Variants in ADGRL3 observed in about 807,000 individuals in gnomAD.
ADGRL3 encodes adhesion G protein-coupled receptor L3.
In ADGRL3, 62 loss-of-function variants were observed where a neutral mutation model predicts 153.5. That is an observed-to-expected ratio of 0.40 (90% CI 0.33 to 0.50). The LOEUF is 0.50. ADGRL3 is among the 20% of genes least tolerant of loss of function. The pLI, the probability that ADGRL3 is intolerant of heterozygous loss-of-function variation, is 0.47. For synonymous variants in ADGRL3, 710 were observed against 672.5 expected, an observed-to-expected ratio of 1.06 and a Z score of -0.86; for missense variants, 1,641 against 1,859.4, an observed-to-expected ratio of 0.88 and a Z score of 2.16.
At chr4:61,331,506 A>C (rs2095572299) in intron 1 of ADGRL3, among the ~76,000 whole-genome samples, 2 of 152,146 alleles carry the variant, frequency 1.3e-5, no homozygotes, top group South Asian at 4.1e-4. Flanking sequence ...CTTTTCTTCC[A>C]ATACATTTTC....
At position 61,747,508 on chromosome 4, in the gene ADGRL3, C is replaced by G. The variant is rs1261926567; in HGVS notation, c.1399+13954C>G. On this transcript the variant is annotated intron_variant, in intron 8 of 26. Coordinates refer to ENST00000683033, the MANE Select transcript of ADGRL3 (RefSeq NM_001387552.1). ...GCGGCACATCAAAAAGCTTATCCAC[C>G]ATGATCAAGTGGGCTTCATCCCTGG... Among the ~76,000 whole-genome samples, 9 of 146,898 alleles carry G rather than the reference C, an allele frequency of 6.1e-5. No homozygotes were observed. In the Admixed American group the frequency reaches 6.2e-4, roughly 10 times the overall value.
chr4:61,364,125 A>G (rs2096346836), intron 1 of ADGRL3, among the ~76,000 whole-genome samples: 1 of 151,716 alleles, frequency 6.6e-6, no homozygotes, highest in South Asian at 2.1e-4. Context: ...AGGTCAAGAG[A>G]TCGAGATCAT....
intron 2 of ADGRL3, among the ~76,000 whole-genome samples, chr4:61,494,348 T>TACTC (rs1228148676): frequency 6.6e-6 from 1 of 152,160 alleles, no homozygotes; most frequent in Admixed American, 6.5e-5. Flanking sequence ...GACTCTCGTA[T>TACTC]ACTCCATGGT....
At chr4:61,214,966 C>T (rs1298464635) in intron 1 of ADGRL3, among the ~76,000 whole-genome samples, 1 of 151,764 alleles carries the variant, frequency 6.6e-6, no homozygotes, top group Admixed American at 6.6e-5. Context: ...AAAATAGATA[C>T]ATAATGTGAA....
chr4:61,578,700 G>T (rs527673309), intron 4 of ADGRL3, among the ~76,000 whole-genome samples: 1 of 151,848 alleles, frequency 6.6e-6, no homozygotes, highest in Admixed American at 6.6e-5. Context: ...TCCCCTCTCC[G>T]ATATCCATAC....
intron 14 of ADGRL3, among the ~76,000 whole-genome samples, chr4:61,935,429 A>G (rs1471942634): frequency 1.3e-5 from 2 of 152,292 alleles, no homozygotes; most frequent in South Asian, 4.1e-4. Flanking sequence ...AGTGAAAATG[A>G]TAAAACAGTG....
chr4:61,300,199 C>G (rs994943569), intron 1 of ADGRL3, among the ~76,000 whole-genome samples: 1 of 152,120 alleles, frequency 6.6e-6, no homozygotes, highest in African/African-American at 2.4e-5. Flanking sequence ...GTATCATGGC[C>G]TTCATTCAAT....
chr4:61,938,694 G>T (rs1381492514), intron 15 of ADGRL3, among the ~76,000 whole-genome samples: 2 of 151,802 alleles, frequency 1.3e-5, no homozygotes, highest in Non-Finnish European at 2.9e-5. Context: ...CTCCTCATCT[G>T]GTATCTGAGG....
intron 1 of ADGRL3, among the ~76,000 whole-genome samples, chr4:61,378,174 T>A (rs189763014): frequency 7.9e-5 from 12 of 152,142 alleles, no homozygotes; most frequent in Admixed American, 7.9e-4. Flanking sequence ...AGGACCCCCA[T>A]TGTTCTTACC....
intron 1 of ADGRL3, among the ~76,000 whole-genome samples, chr4:61,346,761 C>A (rs574817103): frequency 4.1e-5 from 5 of 121,462 alleles, no homozygotes; most frequent in Admixed American, 1.0e-4. Flanking sequence ...CCAGCCTGGG[C>A]ATCAAAGCCA....
In ADGRL3 at chr4:61,661,034, T is replaced by C. The variant is rs908482796; in HGVS notation, c.474-15792T>C. Among the ~76,000 whole-genome samples the C allele has an allele frequency of 2.6e-5, 4 of 152,076 alleles. 1 individual carries two copies. Among genetic ancestry groups the C allele is most frequent in the South Asian group, 4.1e-4 (2 of 4,834 alleles). The stretch of plus-strand genomic sequence containing the variant: ...GTATATTCAACTGGGTTATATGTTG[T>C]GTTGCCCTATACGTTATTACCTCAA... On this transcript the variant is annotated intron_variant, in intron 5 of 26. Transcript: ENST00000683033.
At chr4:61,768,086 C>G (rs992847737) in intron 8 of ADGRL3, among the ~76,000 whole-genome samples, 3 of 152,004 alleles carry the variant, frequency 2.0e-5, no homozygotes, top group Non-Finnish European at 4.4e-5. Flanking sequence ...ATGAACTGGG[C>G]TGGATTTTTA....
intron 8 of ADGRL3, among the ~76,000 whole-genome samples, chr4:61,740,714 C>G (rs888544349): frequency 2.6e-5 from 4 of 152,152 alleles, no homozygotes; most frequent in African/African-American, 9.7e-5. Context: ...TCTAACAGAT[C>G]TAAAAATCTA....
chr4:61,329,336 CT>C (rs2095526016), intron 1 of ADGRL3, among the ~76,000 whole-genome samples: 1 of 152,118 alleles, frequency 6.6e-6, no homozygotes, highest in Non-Finnish European at 1.5e-5. Context: ...TGTACTTACT[CT>C]AAAAAACAGA....
At chr4:61,371,385 T>C (rs1163609790) in intron 1 of ADGRL3, among the ~76,000 whole-genome samples, 10 of 152,236 alleles carry the variant, frequency 6.6e-5, no homozygotes, top group South Asian at 4.2e-4. Flanking sequence ...TTCCTTTCCA[T>C]GTGTAGCGCT....
chr4:61,506,456 C>T (rs921443933), intron 3 of ADGRL3, among the ~76,000 whole-genome samples: 9 of 152,040 alleles, frequency 5.9e-5, no homozygotes, highest in African/African-American at 1.9e-4. Flanking sequence ...TACACACATC[C>T]CATCATTATA....
intron 1 of ADGRL3, among the ~76,000 whole-genome samples, chr4:61,364,892 G>T (rs1271258522): frequency 6.6e-6 from 1 of 152,052 alleles, no homozygotes; most frequent in Non-Finnish European, 1.5e-5. Context: ...GAATGACTGT[G>T]GTATGATATT....
chr4:61,373,537 A>G (rs1384080846), intron 1 of ADGRL3, among the ~76,000 whole-genome samples: 1 of 152,202 alleles, frequency 6.6e-6, no homozygotes, highest in Admixed American at 6.5e-5. Flanking sequence ...TATCTCTTGA[A>G]TGCATACTTC....
intron 5 of ADGRL3, among the ~76,000 whole-genome samples, chr4:61,613,680 G>A (rs2091658940): frequency 6.6e-6 from 1 of 152,180 alleles, no homozygotes; most frequent in African/African-American, 2.4e-5. Context: ...GGAGGCAGAG[G>A]CTGCAATGAG....
Sources: gnomAD v4.1 joint callset for allele counts (sites outside exome capture counted in the v4.1 genomes callset) on GRCh38, gnomAD v4.1.1 for gene constraint, MANE v1.5 for transcripts, NCBI Gene and HGNC (gene_info 2026-07-23, HGNC 2026-07-21) for gene names.